Variants in ANKRD44 observed in about 807,000 individuals in gnomAD.
ANKRD44 encodes the protein ankyrin repeat domain 44.
A neutral mutation model predicts 116.0 loss-of-function variants in ANKRD44; 35 were observed. That is an observed-to-expected ratio of 0.30 (90% CI 0.23 to 0.40). ANKRD44 has a LOEUF of 0.40. Ranked by LOEUF, ANKRD44 falls within the 10% of genes least tolerant of loss-of-function variation. The pLI is 1.00. For synonymous variants in ANKRD44, 435 were observed against 461.8 expected, an observed-to-expected ratio of 0.94 and a Z score of 0.74; for missense variants, 1,014 against 1,242.6, an observed-to-expected ratio of 0.82 and a Z score of 2.77.
At chr2:197,056,016 G>A (rs1293986752) in intron 16 of ANKRD44, among the ~76,000 whole-genome samples, 1 of 152,076 alleles carries the variant, frequency 6.6e-6, no homozygotes, top group East Asian at 1.9e-4. Context: ...CAGCTCCAGA[G>A]TAAGTAGGAC....
chr2:197,164,808 G>C (rs754580482), intron 2 of ANKRD44, among the ~76,000 whole-genome samples: 6 of 151,980 alleles, frequency 3.9e-5, no homozygotes, highest in Non-Finnish European at 7.4e-5. Flanking sequence ...GTGTTCCCTG[G>C]GTTTTGAGGG....
intron 2 of ANKRD44, among the ~76,000 whole-genome samples, chr2:197,184,858 A>G (rs1183468739): frequency 6.6e-6 from 1 of 152,154 alleles, no homozygotes; most frequent in Non-Finnish European, 1.5e-5. Flanking sequence ...GTCTATGTGT[A>G]ACAGTAGTTA....
rs200653408 is a variant in ANKRD44, at chr2:197,113,733, AAAGGGAC to A, written c.907-2896_907-2890del. Among the ~76,000 whole-genome samples the A allele has an allele frequency of 3.0e-4, 45 of 152,342 alleles. 2 individuals carry two copies. In the East Asian group the frequency reaches 8.7e-3, roughly 29 times the overall value. ...TCTCTGAGAGTGCTTGTGCACTTGTAAAGGGACAAGTAAATGGAGATGACCAAAGTTA... is the reference window on the plus strand; with the variant it reads ...TCTCTGAGAGTGCTTGTGCACTTGTAAAGTAAATGGAGATGACCAAAGTTA... On this transcript the variant is annotated intron_variant, in intron 8 of 27. Coordinates refer to ENST00000282272, the MANE Select transcript of ANKRD44 (RefSeq NM_001195144.2).
Position 197,030,607 on chromosome 2 carries a change from C to A in ANKRD44, c.1651-5340G>T, listed in dbSNP as rs902737439. Among the ~76,000 whole-genome samples, 7 of 152,266 alleles carry A rather than the reference C, an allele frequency of 4.6e-5. No homozygotes were observed. The East Asian group carries it at 1.4e-3, about 29-fold the overall frequency. ...ATTCCTTATCTTCCTGATCATGGGG[C>A]AGAGGCAGCCCCCTGACAGTCCAGT... is the stretch of plus-strand genomic sequence containing the variant. On this transcript the variant is annotated intron_variant, in intron 16 of 27. Transcript: ENST00000282272.
chr2:196,975,856 A>G (rs1412189561), intron 21 of ANKRD44, among the ~76,000 whole-genome samples: 2 of 150,392 alleles, frequency 1.3e-5, no homozygotes, highest in African/African-American at 4.9e-5. Flanking sequence ...AAAGAAGGAA[A>G]GAAAGAAAAG....
intron 10 of ANKRD44, among the ~76,000 whole-genome samples, chr2:197,095,245 T>C (rs886757553): frequency 3.3e-5 from 5 of 152,244 alleles, no homozygotes; most frequent in Admixed American, 1.3e-4. Flanking sequence ...CTCTGCCTAA[T>C]TTCAGTGTCC....
At chr2:197,242,179 A>G (rs765942918) in intron 1 of ANKRD44, among the ~76,000 whole-genome samples, 5 of 152,190 alleles carry the variant, frequency 3.3e-5, no homozygotes, top group Non-Finnish European at 7.4e-5. Context: ...CCTCATGACT[A>G]GTTTATTTTA....
In ANKRD44 at chr2:197,282,623, A is replaced by T. The variant is rs1172342192; in HGVS notation, c.27+27955T>A. Among the ~76,000 whole-genome samples, 5 of 152,072 alleles carry T rather than the reference A, an allele frequency of 3.3e-5. No individual in the cohort carries two copies. In the East Asian group the frequency reaches 7.7e-4, roughly 24 times the overall value. Reference sequence around the variant, plus strand: ...GGGGATTTTATTTTATTTTTTTGAGACAGGGTCTTTCCATACTACAGTGTT... The same window carrying T: ...GGGGATTTTATTTTATTTTTTTGAGTCAGGGTCTTTCCATACTACAGTGTT... On this transcript the variant is annotated intron_variant, in intron 1 of 27. Transcript: ENST00000282272.
At chr2:197,206,408 G>C (rs946971660) in intron 1 of ANKRD44, among the ~76,000 whole-genome samples, 1 of 152,218 alleles carries the variant, frequency 6.6e-6, no homozygotes, top group African/African-American at 2.4e-5. Context: ...ATAAGGCAAG[G>C]CGTAGTGGCT....
rs575709609 is a variant in ANKRD44 at position 197,020,641 on chromosome 2, G to A, written c.1722+4555C>T. On this transcript the variant is annotated intron_variant, in intron 17 of 27. Coordinates refer to ENST00000282272, the MANE Select transcript of ANKRD44 (RefSeq NM_001195144.2). ...TGGACAAGCATAATCTATAAAATTCGCTTTGTTTCTTTATCTAGTTTGTAG... is the reference window on the plus strand; with the variant it reads ...TGGACAAGCATAATCTATAAAATTCACTTTGTTTCTTTATCTAGTTTGTAG... 1.1e-4 allele frequency among the ~76,000 whole-genome samples: 17 copies of A among 152,156 alleles called. 1 individual carries two copies. In the South Asian group the frequency reaches 2.5e-3, roughly 22 times the overall value.
intron 16 of ANKRD44, among the ~76,000 whole-genome samples, chr2:197,055,866 T>C (rs76295340): frequency 0.052 from 7,951 of 152,244 alleles, 729 homozygotes; most frequent in African/African-American, 0.18. Context: ...CTATCTTTGC[T>C]CTAATACCAT....
intron 21 of ANKRD44, among the ~76,000 whole-genome samples, chr2:197,003,077 C>T (rs749423110): frequency 4.0e-5 from 6 of 151,566 alleles, no homozygotes; most frequent in Non-Finnish European, 8.8e-5. Context: ...GAGGTCGAGG[C>T]GGGCGAATTA....
intron 2 of ANKRD44, among the ~76,000 whole-genome samples, chr2:197,179,112 T>C (rs528971824): frequency 6.6e-6 from 1 of 152,316 alleles, no homozygotes; most frequent in East Asian, 1.9e-4. Context: ...CAAATGTCCA[T>C]ATATAGTTGC....
At chr2:196,999,561 C>CATTT (rs1251592121) in intron 23 of ANKRD44, among the ~76,000 whole-genome samples, 9 of 123,048 alleles carry the variant, frequency 7.3e-5, no homozygotes, top group Admixed American at 1.8e-4. Context: ...TGTGTACAGA[C>CATTT]ACTTATTTAT....
intron 1 of ANKRD44, among the ~76,000 whole-genome samples, chr2:197,286,409 C>G (rs2083409215): frequency 6.6e-6 from 1 of 151,132 alleles, no homozygotes; most frequent in Non-Finnish European, 1.5e-5. Flanking sequence ...GGGCTTTGCC[C>G]TGTCACCCAG....
At chr2:197,176,746 C>T (rs1377412049) in intron 2 of ANKRD44, among the ~76,000 whole-genome samples, 1 of 152,108 alleles carries the variant, frequency 6.6e-6, no homozygotes, top group African/African-American at 2.4e-5. Context: ...TTTATACTAT[C>T]CTACACTGCC....
chr2:197,076,719 T>C (rs992029163), intron 16 of ANKRD44, among the ~76,000 whole-genome samples: 3 of 152,188 alleles, frequency 2.0e-5, no homozygotes, highest in Non-Finnish European at 4.4e-5. Context: ...TGTGTTCTCA[T>C]CATTTAGCTC....
chr2:197,254,047 G>A (rs531624517), intron 1 of ANKRD44, among the ~76,000 whole-genome samples: 2 of 152,278 alleles, frequency 1.3e-5, no homozygotes, highest in South Asian at 2.1e-4. Flanking sequence ...CTGGCCTCAC[G>A]TAACTAAAAC....
At chr2:197,259,395 CA>C (rs1041149012) in intron 1 of ANKRD44, among the ~76,000 whole-genome samples, 1 of 152,112 alleles carries the variant, frequency 6.6e-6, no homozygotes, top group Non-Finnish European at 1.5e-5. Context: ...GAAACAAAAA[CA>C]AAGTTACTTG....
Sources: allele counts gnomAD v4.1 joint callset (sites outside exome capture counted in the v4.1 genomes callset), GRCh38; gene constraint gnomAD v4.1.1; transcripts MANE v1.5; gene names NCBI Gene and HGNC (gene_info 2026-07-23, HGNC 2026-07-21).